The following ABL2 variants were observed in gnomAD, a reference collection of about 807,000 sequenced individuals.
ABL2 encodes the protein tyrosine-protein kinase ABL2.
ABL2 carries 49 observed loss-of-function variants against 107.7 expected under a neutral mutation model. The observed-to-expected ratio is 0.45, with a 90% confidence interval of 0.36 to 0.58. ABL2 has a LOEUF of 0.58. Among genes scored for constraint, ABL2 ranks in the 20% least tolerant of loss-of-function variants. ABL2 has a pLI of 0.00. For missense variants in ABL2, 1,245 were observed against 1,457.0 expected, an observed-to-expected ratio of 0.85 and a Z score of 2.37; for synonymous variants, 549 against 548.6, an observed-to-expected ratio of 1.00 and a Z score of -0.01.
At position 179,108,772 on chromosome 1, in the gene ABL2, A is replaced by G. The variant is rs1371863932; in HGVS notation, c.2495T>C (p.Met832Thr). The change falls in exon 12 of 12, where the codon ATG (methionine) becomes ACG (threonine). Residue 832 changes from methionine to threonine, a missense_variant. This residue lies in a region of ABL2 where 761 missense variants were observed against 766.4 expected (regional missense o/e 0.99). Transcript: ENST00000502732. ...ACTTTCCTCTGATTTTTTTGGAAGC[A>G]TGTCATTGGCCCTGTCCACATTCTC... is the stretch of plus-strand genomic sequence containing the variant. ...PEENVDRAND[M>T]LPKKSEESAA... 1.2e-6 allele frequency: 2 copies of G among 1,614,006 alleles called. No homozygotes were observed. Among genetic ancestry groups the G allele is most frequent in the African/African-American group, 1.3e-5 (1 of 74,890 alleles).
At chr1:179,114,770 G>A in intron 9 of ABL2, 108 bp downstream of exon 9, 5 of 1,150,528 alleles carry the variant, frequency 4.3e-6, no homozygotes, top group Non-Finnish European at 6.0e-6. Flanking sequence ...AATGTCATGA[G>A]GCTGGATTCA....
At chr1:179,187,539 A>G (rs561354446) in intron 1 of ABL2, among the ~76,000 whole-genome samples, 41 of 152,338 alleles carry the variant, frequency 2.7e-4, no homozygotes, top group African/African-American at 9.4e-4. Context: ...ATGCTATAAT[A>G]TAACTATAAA....
In ABL2 at chr1:179,229,245, C is replaced by T; in HGVS notation, c.153G>A (p.Gln51=). The T allele has an allele frequency of 6.6e-7, 1 of 1,522,966 alleles. No individual in the cohort carries two copies. The highest frequency in any genetic ancestry group is 1.4e-5 in the African/African-American group (1 of 70,062). 94.3% of individuals were successfully genotyped at this position (1,522,966 alleles called of 1,614,324 possible). The change falls in exon 1 of 12, where the codon CAG becomes CAA. Residue 51 remains glutamine, a synonymous_variant. Transcript: ENST00000502732. ...CCGGCTCCCAGACACACTCACCATG[C>T]TGGGTGAAGATATTGAAGCCGGTCT... is the stretch of plus-strand genomic sequence containing the variant. ...TTETGFNIFT[Q]HDHFASCVED...
chr1:179,166,048 C>T (rs1024704728), intron 1 of ABL2, among the ~76,000 whole-genome samples: 2 of 152,076 alleles, frequency 1.3e-5, no homozygotes, highest in Non-Finnish European at 2.9e-5. Context: ...CTGCCCGCCT[C>T]GGCCTCCCTA....
At chr1:179,169,434 G>A (rs1659587724) in intron 1 of ABL2, among the ~76,000 whole-genome samples, 1 of 152,006 alleles carries the variant, frequency 6.6e-6, no homozygotes, top group South Asian at 2.1e-4. Flanking sequence ...TGTAGTCCCA[G>A]CTACTCGGGA....
chr1:179,209,184 G>A (rs1296615631), intron 1 of ABL2, among the ~76,000 whole-genome samples: 4 of 152,152 alleles, frequency 2.6e-5, no homozygotes, highest in African/African-American at 7.2e-5. Flanking sequence ...TCTGAAGTAG[G>A]TTATAAGACC....
intron 1 of ABL2, among the ~76,000 whole-genome samples, chr1:179,228,129 C>G (rs1663331109): frequency 6.7e-6 from 1 of 150,218 alleles, no homozygotes; most frequent in Non-Finnish European, 1.5e-5. Flanking sequence ...CTTTGAGAGG[C>G]CAAGGCAGGC....
At chr1:179,118,825 T>C (rs904501805) in intron 6 of ABL2, 61 bp from the exon 7 acceptor site, 2 of 1,547,230 alleles carry the variant, frequency 1.3e-6, no homozygotes, top group South Asian at 1.2e-5. Flanking sequence ...CCAAACCACT[T>C]TGGCCAAGAA....
At chr1:179,183,661 A>G (rs992778538) in intron 1 of ABL2, 3 of 152,302 alleles carry the variant, frequency 2.0e-5, no homozygotes, top group Non-Finnish European at 4.4e-5. Context: ...CCAGAAGACC[A>G]AAGTTCTGGT....
rs528398841 is a variant in ABL2, at chr1:179,145,297, T to C, written c.158-11923A>G. ...ACTGTACATCTACGAATAGTTAAAA[T>C]AGTAAATTCTGATACTTTGTCATAA... On this transcript the variant is annotated intron_variant, in intron 1 of 11. Coordinates refer to ENST00000502732, the MANE Select transcript of ABL2 (RefSeq NM_007314.4). Among the ~76,000 whole-genome samples the C allele has an allele frequency of 3.9e-5, 6 of 152,318 alleles. No individual in the cohort carries two copies. In the South Asian group the frequency reaches 1.0e-3, roughly 26 times the overall value.
rs564629424 is a variant in ABL2, at chr1:179,109,043, C to G, written c.2224G>C (p.Gly742Arg). ...GGGGGGSGTA[G>R]GGWSGITGFF... ...CCTGTGATGCCAGACCACCCACCCCCAGCAGTGCCACTGCCCCCACCCCCA... is the reference window on the plus strand; with the variant it reads ...CCTGTGATGCCAGACCACCCACCCCGAGCAGTGCCACTGCCCCCACCCCCA... The change falls in exon 12 of 12, where the codon GGG (glycine) becomes CGG (arginine). Residue 742 changes from glycine (G) to arginine (R), a missense_variant. Physicochemically the swap from Gly to Arg is moderately radical, Grantham distance 125. Transcript: ENST00000502732. 87 of 1,526,570 alleles carry G rather than the reference C, an allele frequency of 5.7e-5. 3 individuals are homozygous for G. The South Asian group carries it at 9.1e-4, about 16-fold the overall frequency. 94.6% of individuals were successfully genotyped at this position (1,526,570 alleles called of 1,614,324 possible).
In ABL2 at chr1:179,223,850, G is replaced by A. The variant is rs531964250; in HGVS notation, c.157+5391C>T. Among the ~76,000 whole-genome samples the A allele has an allele frequency of 5.9e-5, 9 of 151,672 alleles. No homozygotes were observed. In the South Asian group the frequency reaches 6.2e-4, roughly 11 times the overall value. ...AAGATTAAAACATGAACTACTGGCCGGGTGCGGTGGCTCACACCTGTAATC... is the reference window on the plus strand; with the variant it reads ...AAGATTAAAACATGAACTACTGGCCAGGTGCGGTGGCTCACACCTGTAATC... On this transcript the variant is annotated intron_variant, in intron 1 of 11. Coordinates refer to ENST00000502732, the MANE Select transcript of ABL2 (RefSeq NM_007314.4).
intron 1 of ABL2, among the ~76,000 whole-genome samples, chr1:179,219,160 A>G (rs1303729432): frequency 1.3e-5 from 2 of 152,156 alleles, no homozygotes; most frequent in African/African-American, 4.8e-5. Context: ...CTCTCACCTT[A>G]GCCTCCCCAG....
At chr1:179,124,585 C>G (rs2102640669) in intron 4 of ABL2, among the ~76,000 whole-genome samples, 1 of 147,646 alleles carries the variant, frequency 6.8e-6, no homozygotes, top group Non-Finnish European at 1.5e-5. Context: ...TCTCCTGCCT[C>G]AGCCTCCTGA....
intron 4 of ABL2, among the ~76,000 whole-genome samples, chr1:179,123,923 G>A (rs1047258257): frequency 1.3e-5 from 2 of 152,006 alleles, no homozygotes; most frequent in African/African-American, 4.8e-5. Context: ...AGGCCACCAT[G>A]CCTAGCCTGT....
rs1220645982 is a variant in ABL2 at position 179,117,951 on chromosome 1, T to TA, written c.1224-436dup. 5.7e-3 allele frequency among the ~76,000 whole-genome samples: 807 copies of TA among 140,750 alleles called. 7 individuals carry two copies. Among genetic ancestry groups the TA allele is most frequent in the African/African-American group, 0.02 (763 of 37,836 alleles). 92.3% of individuals were successfully genotyped at this position (140,750 alleles called of 152,430 possible). ...CGGGGCAACATGGCGAAACCCAGTCTACAAAAAAAAAACAAAAAACAAAAC... is the reference window on the plus strand; with the variant it reads ...CGGGGCAACATGGCGAAACCCAGTCTAACAAAAAAAAAACAAAAAACAAAAC... On this transcript the variant is annotated intron_variant, in intron 7 of 11. Transcript: ENST00000502732.
chr1:179,130,046 T>C (rs1024425017), intron 3 of ABL2, among the ~76,000 whole-genome samples: 3 of 152,208 alleles, frequency 2.0e-5, no homozygotes, highest in African/African-American at 7.2e-5. Context: ...TTCAAGCAAT[T>C]ATCCTGCCTC....
At chr1:179,223,151 T>C (rs1055704231) in intron 1 of ABL2, among the ~76,000 whole-genome samples, 2 of 147,356 alleles carry the variant, frequency 1.4e-5, no homozygotes, top group African/African-American at 2.5e-5. Flanking sequence ...CAGGGCCTCA[T>C]GTCTGTAATC....
chr1:179,189,005 T>C (rs1341619350), intron 1 of ABL2, among the ~76,000 whole-genome samples: 2 of 152,200 alleles, frequency 1.3e-5, no homozygotes, highest in African/African-American at 4.8e-5. Context: ...ATGTAACATG[T>C]TAATTTAACA....
Sources: gnomAD v4.1 joint callset for allele counts (sites outside exome capture counted in the v4.1 genomes callset) on GRCh38, gnomAD v4.1.1 for gene constraint, gnomAD v4.1.1 regional missense constraint, MANE v1.5 for transcripts, NCBI Gene and HGNC (gene_info 2026-07-23, HGNC 2026-07-21) for gene names.